HEPACAM: variants seen among roughly 807,000 people sequenced by gnomAD.
The protein encoded by HEPACAM is hepatic and glial cell adhesion molecule.
A neutral mutation model predicts 38.3 loss-of-function variants in HEPACAM; 18 were observed. The observed-to-expected ratio is 0.47, with a 90% CI of 0.33 to 0.70. HEPACAM has a LOEUF of 0.70. Among genes scored for constraint, HEPACAM ranks in the 30% least tolerant of loss-of-function variants. The pLI is 0.03. For missense variants in HEPACAM, 466 were observed against 563.0 expected, an observed-to-expected ratio of 0.83 and a Z score of 1.74; for synonymous variants, 216 against 243.1, an observed-to-expected ratio of 0.89 and a Z score of 1.04.
intron 3 of HEPACAM, 65 bp from the exon 4 acceptor site, chr11:124,923,498 C>A: frequency 3.2e-6 from 4 of 1,262,516 alleles, no homozygotes; most frequent in Non-Finnish European, 4.6e-6. Context: ...GTGAGCAGAA[C>A]TTCCTGCCAT....
rs758487880 is a variant in HEPACAM at position 124,920,366 on chromosome 11, T to A, written c.*772A>T. 22 of 1,540,320 alleles carry A rather than the reference T, an allele frequency of 1.4e-5. No homozygotes were observed. The South Asian group carries it at 2.5e-4, about 18-fold the overall frequency. The stretch of plus-strand genomic sequence containing the variant: ...TAAGAATAAGCCCATCCATCTCTTT[T>A]ATTCATGAACAGAGACAGAAAGAGT... On this transcript the variant is annotated 3_prime_UTR_variant, in exon 7 of 7. Coordinates refer to ENST00000298251, the MANE Select transcript of HEPACAM (RefSeq NM_152722.5).
Position 124,920,564 on chromosome 11 carries a change from A to T in HEPACAM, c.*574T>A, listed in dbSNP as rs1207742485. The T allele has an allele frequency of 1.3e-5, 17 of 1,337,402 alleles. No homozygotes were observed. The highest frequency in any genetic ancestry group is 1.6e-5 in the Non-Finnish European group (16 of 1,023,118). 82.8% of individuals were successfully genotyped at this position (1,337,402 alleles called of 1,614,324 possible). A position where few individuals can be genotyped will look rare whatever the true frequency, so the allele number is the denominator to read the frequency against. On this transcript the variant is annotated 3_prime_UTR_variant, in exon 7 of 7. Coordinates refer to ENST00000298251, the MANE Select transcript of HEPACAM (RefSeq NM_152722.5). Reference sequence around the variant, plus strand: ...GGTGCCCAGGGAAGAAGGCCTTCACAATGATCCCCCCAGCTCAGAACAGCC... The same window carrying T: ...GGTGCCCAGGGAAGAAGGCCTTCACTATGATCCCCCCAGCTCAGAACAGCC...
intron 1 of HEPACAM, among the ~76,000 whole-genome samples, chr11:124,927,035 AT>A (rs1171912469): frequency 5.9e-5 from 9 of 151,700 alleles, no homozygotes; most frequent in South Asian, 2.1e-4. Flanking sequence ...CGCCCGGCCA[AT>A]TTTTTTGTAT....
rs878911099 is a variant in HEPACAM, at chr11:124,920,680, A to C, written c.*458T>G. On this transcript the variant is annotated 3_prime_UTR_variant, in exon 7 of 7. Transcript: ENST00000298251. Reference sequence around the variant, plus strand: ...GTGGCCTCTCTAATCTGAACTTGCAAAAAAAAAAAAAAAAAAAAAAAAAAA... The same window carrying C: ...GTGGCCTCTCTAATCTGAACTTGCACAAAAAAAAAAAAAAAAAAAAAAAAA... The C allele has an allele frequency of 1.2e-3, 662 of 534,264 alleles. 3 individuals are homozygous for C. In the African/African-American group the frequency reaches 0.037, roughly 30 times the overall value. 33.1% of individuals were successfully genotyped at this position (534,264 alleles called of 1,614,324 possible). A position where few individuals can be genotyped will look rare whatever the true frequency, so the allele number is the denominator to read the frequency against.
intron 5 of HEPACAM, 38 bp from the exon 6 acceptor site, chr11:124,922,496 C>G: frequency 1.2e-6 from 2 of 1,608,342 alleles, no homozygotes; most frequent in Non-Finnish European, 1.7e-6. Flanking sequence ...GGCCCAGGTA[C>G]AGACTCTCCC....
Position 124,920,213 on chromosome 11 carries a change from G to A in HEPACAM, c.*925C>T. 5.8e-6 allele frequency: 5 copies of A among 863,322 alleles called. No individual in the cohort carries two copies. The highest frequency in any genetic ancestry group is 8.9e-6 in the Non-Finnish European group (5 of 562,352). 53.5% of individuals were successfully genotyped at this position (863,322 alleles called of 1,614,324 possible). On this transcript the variant is annotated 3_prime_UTR_variant, in exon 7 of 7. Coordinates refer to ENST00000298251, the MANE Select transcript of HEPACAM (RefSeq NM_152722.5). Reference sequence around the variant, plus strand: ...GAGGAAGCTCAACAACTTTCCTGAGGACAATGATTGTTTGAAAGGCTTGTT... The same window carrying A: ...GAGGAAGCTCAACAACTTTCCTGAGAACAATGATTGTTTGAAAGGCTTGTT...
At position 124,922,804 on chromosome 11, in the gene HEPACAM, A is replaced by G. The variant is rs1473182193; in HGVS notation, c.818T>C (p.Leu273Pro). 3.1e-6 allele frequency: 5 copies of G among 1,613,994 alleles called. No individual in the cohort carries two copies. The highest frequency in any genetic ancestry group is 4.2e-6 in the Non-Finnish European group (5 of 1,180,020). Residue 273 changes from leucine to proline, a missense_variant, in exon 5 of 7, where the codon CTA (leucine) becomes CCA (proline). By Grantham distance (98) the Leu-to-Pro change is moderately conservative. Coordinates refer to ENST00000298251, the MANE Select transcript of HEPACAM (RefSeq NM_152722.5). ...WKPSKRKQKK[L>P]EKQNSLEYMD... ...GTATTCCAGGGAGTTTTGCTTTTCT[A>G]GCTTCTTCTGTTTCCTGTGAATCAA...
rs375793524 is a variant in HEPACAM at position 124,919,213 on chromosome 11, T to C, written c.*1925A>G. ...TGGTATATTTAAGCAGCTTGTTTTG[T>C]TACCCTTGTTTATGTGGAATAAAGT... On this transcript the variant is annotated 3_prime_UTR_variant, in exon 7 of 7. Coordinates refer to ENST00000298251, the MANE Select transcript of HEPACAM (RefSeq NM_152722.5). The C allele has an allele frequency of 2.6e-5, 4 of 153,270 alleles. No homozygotes were observed. The highest frequency in any genetic ancestry group is 7.2e-5 in the African/African-American group (3 of 41,596). 9.5% of individuals were successfully genotyped at this position (153,270 alleles called of 1,614,324 possible).
rs188741282 is a variant in HEPACAM at position 124,935,735 on chromosome 11, G to A, written c.85+187C>T. ...TGGGGGAAGGGGGTAGGGGCCGCGCGGGAGGCACACAAAATAAAGAAATAC... is the reference window on the plus strand; with the variant it reads ...TGGGGGAAGGGGGTAGGGGCCGCGCAGGAGGCACACAAAATAAAGAAATAC... On this transcript the variant is annotated intron_variant, in intron 1 of 6. Transcript: ENST00000298251. 7.2e-5 allele frequency among the ~76,000 whole-genome samples: 11 copies of A among 152,274 alleles called. No homozygotes were observed. In the East Asian group the frequency reaches 1.7e-3, roughly 24 times the overall value.
rs367642552 is a variant in HEPACAM at position 124,932,012 on chromosome 11, C to T, written c.85+3910G>A. Among the ~76,000 whole-genome samples the T allele has an allele frequency of 8.5e-5, 13 of 152,272 alleles. No individual in the cohort carries two copies. In the East Asian group the frequency reaches 1.2e-3, roughly 14 times the overall value. On this transcript the variant is annotated intron_variant, in intron 1 of 6. Transcript: ENST00000298251. Reference sequence around the variant, plus strand: ...ACATATGATACCACTTATAGAAAGACATGCAAAATTAATTTTTATTAGAAG... The same window carrying T: ...ACATATGATACCACTTATAGAAAGATATGCAAAATTAATTTTTATTAGAAG...
intron 1 of HEPACAM, among the ~76,000 whole-genome samples, chr11:124,932,049 C>G (rs1276021403): frequency 6.6e-6 from 1 of 152,160 alleles, no homozygotes; most frequent in Non-Finnish European, 1.5e-5. Context: ...TAGGATACCA[C>G]TATAATCCCA....
At position 124,921,179 on chromosome 11, in the gene HEPACAM, G is replaced by T. The variant is rs762490963; in HGVS notation, c.1210C>A (p.Arg404Ser). Residue 404 changes from arginine to serine, a missense_variant, in exon 7 of 7, where the codon CGC becomes AGC. Transcript: ENST00000298251. The surrounding 1 kb of genome is among the most constrained non-coding windows in gnomAD (Gnocchi z 4.6). The stretch of plus-strand genomic sequence containing the variant: ...ACCGGGCCGGCCTCGTCTTGCTCGC[G>T]GATTATGTGCACGCCCGCAGTCCGC... ...TLRTAGVHII[R>S]EQDEAGPVEI... is the part of the protein sequence containing the mutation. 1 of 1,527,816 alleles carries T rather than the reference G, an allele frequency of 6.5e-7. No homozygotes were observed. Among genetic ancestry groups the T allele is most frequent in the South Asian group, 1.2e-5 (1 of 83,362 alleles). The allele number at this position is 1,527,816 out of a possible 1,614,324, so 94.6% of individuals were successfully genotyped here.
Position 124,921,075 on chromosome 11 carries a change from C to T in HEPACAM, c.*63G>A, listed in dbSNP as rs565827496. On this transcript the variant is annotated 3_prime_UTR_variant, in exon 7 of 7. Transcript: ENST00000298251. This position sits in a 1 kb window ranked among gnomAD's most constrained non-coding sequence, Gnocchi z 4.6. ...CGCGCCGCGCCCGGGCTTCCCAGCC[C>T]CAGCTTTCCCCCGGGCCACTGGCCG... 4 of 1,504,814 alleles carry T rather than the reference C, an allele frequency of 2.7e-6. No homozygotes were observed. In the African/African-American group the frequency reaches 5.7e-5, roughly 21 times the overall value. The allele number at this position is 1,504,814 out of a possible 1,614,324, so 93.2% of individuals were successfully genotyped here.
intron 1 of HEPACAM, among the ~76,000 whole-genome samples, chr11:124,933,087 T>C (rs1203699797): frequency 6.6e-6 from 1 of 152,230 alleles, no homozygotes; most frequent in Non-Finnish European, 1.5e-5. Context: ...TATTACTCTT[T>C]AGTCCACAGC....
chr11:124,919,404 G>A lies in HEPACAM; in HGVS notation c.*1734C>T. 2 of 268,376 alleles carry A rather than the reference G, an allele frequency of 7.5e-6. No individual in the cohort carries two copies. The highest frequency in any genetic ancestry group is 1.4e-5 in the Non-Finnish European group (2 of 142,664). The allele number at this position is 268,376 out of a possible 1,614,324, so 16.6% of individuals were successfully genotyped here. A position where few individuals can be genotyped will look rare whatever the true frequency, so the allele number is the denominator to read the frequency against. On this transcript the variant is annotated 3_prime_UTR_variant, in exon 7 of 7. Transcript: ENST00000298251. ...TTAAGGCAGATTTGGCTTAAGCCTGGCAAGCTGGCCCCTCAGGGATTCAGC... is the reference window on the plus strand; with the variant it reads ...TTAAGGCAGATTTGGCTTAAGCCTGACAAGCTGGCCCCTCAGGGATTCAGC...
chr11:124,923,564 G>A, intron 3 of HEPACAM, 131 bp from the exon 4 acceptor site: 2 of 1,095,898 alleles, frequency 1.8e-6, no homozygotes, highest in Non-Finnish European at 2.7e-6. Context: ...TGGTGGTGGA[G>A]CTTGTACAGA....
intron 1 of HEPACAM, among the ~76,000 whole-genome samples, chr11:124,931,028 A>G (rs1947275843): frequency 6.6e-6 from 1 of 152,244 alleles, no homozygotes; most frequent in South Asian, 2.1e-4. Flanking sequence ...TCATCAAAAG[A>G]TACCATTGTG....
rs1446361241 is a variant in HEPACAM at position 124,923,854 on chromosome 11, A to G, written c.584T>C (p.Leu195Pro). Residue 195 changes from leucine to proline, a missense_variant, in exon 3 of 7, where the codon CTG (leucine) becomes CCG (proline). Leu to Pro is a moderately conservative substitution (Grantham distance 98). Coordinates refer to ENST00000298251, the MANE Select transcript of HEPACAM (RefSeq NM_152722.5). ...GGTGAGCACCTTTTGGTCGGGGGAC[A>G]GGAGCATTCTCGAGTCATTGAGGAG... ...KPLLNDSRML[L>P]SPDQKVLTIT... 1 of 1,614,176 alleles carries G rather than the reference A, an allele frequency of 6.2e-7. No individual in the cohort carries two copies. The highest frequency in any genetic ancestry group is 2.2e-5 in the East Asian group (1 of 44,882).
intron 1 of HEPACAM, among the ~76,000 whole-genome samples, chr11:124,930,400 G>A (rs1055810863): frequency 6.6e-6 from 1 of 152,208 alleles, no homozygotes. Context: ...ATTCAGGGAT[G>A]TGAGAGAAAA....
Sources: allele counts gnomAD v4.1 joint callset (sites outside exome capture counted in the v4.1 genomes callset), GRCh38; gene constraint gnomAD v4.1.1; non-coding constraint Gnocchi (gnomAD v3.1); transcripts MANE v1.5; gene names NCBI Gene and HGNC (gene_info 2026-07-23, HGNC 2026-07-21).